Variants in DACH2 observed in about 807,000 individuals in gnomAD.
DACH2 encodes the protein dachshund family transcription factor 2, also known as dachshund homolog 2.
In DACH2, 17 loss-of-function variants were observed where a neutral mutation model predicts 35.8. The observed-to-expected ratio is 0.48, with a 90% CI of 0.33 to 0.71. The LOEUF (loss-of-function observed/expected upper bound fraction) is 0.71. Among genes scored for constraint, DACH2 ranks in the 30% least tolerant of loss-of-function variants. The pLI is 0.02. For missense variants in DACH2, 469 were observed against 472.7 expected, an observed-to-expected ratio of 0.99 and a Z score of 0.07; for synonymous variants, 195 against 177.3, an observed-to-expected ratio of 1.10 and a Z score of -0.79.
intron 2 of DACH2, among the ~76,000 whole-genome samples, chrX:86,410,071 T>A (rs778371229): frequency 2.7e-5 from 3 of 112,320 alleles, no homozygotes; most frequent in Non-Finnish European, 3.8e-5. Flanking sequence ...TAGCATGACA[T>A]CCTTATCTAT....
chrX:86,580,819 A>G, intron 3 of DACH2, among the ~76,000 whole-genome samples: 1 of 112,151 alleles, frequency 8.9e-6, no homozygotes, highest in East Asian at 2.8e-4. Context: ...ATATTTGAAT[A>G]TATCATCCAT....
At chrX:86,335,400 C>T (rs1473812294) in intron 1 of DACH2, among the ~76,000 whole-genome samples, 1 of 111,719 alleles carries the variant, frequency 9.0e-6, no homozygotes, top group Non-Finnish European at 1.9e-5. Flanking sequence ...AATGTTTTTC[C>T]ATGTATTTGT....
chrX:86,541,935 T>C (rs200898375), intron 3 of DACH2, among the ~76,000 whole-genome samples: 1 of 111,864 alleles, frequency 8.9e-6, no homozygotes, highest in East Asian at 2.8e-4. Context: ...AAAAGAGAAA[T>C]TTTTTGAGGA....
chrX:86,151,182 G>T (rs749654999), intron 1 of DACH2, among the ~76,000 whole-genome samples: 1 of 109,437 alleles, frequency 9.1e-6, no homozygotes, highest in Admixed American at 9.7e-5. Flanking sequence ...AATATTTTTG[G>T]ACCCTGTTAT....
At chrX:86,304,723 G>A (rs1388429939) in intron 1 of DACH2, 1 of 166,198 alleles carries the variant, frequency 6.0e-6, no homozygotes, top group African/African-American at 3.1e-5. Context: ...AAGAGGAGGA[G>A]ATGGAGAGAA....
intron 1 of DACH2, among the ~76,000 whole-genome samples, chrX:86,292,676 G>T (rs1051983266): frequency 9.0e-6 from 1 of 111,110 alleles, no homozygotes; most frequent in South Asian, 3.9e-4. Context: ...CCTTCATTTC[G>T]TTATGTACTC....
chrX:86,505,723 CA>C (rs1376213977), intron 2 of DACH2, among the ~76,000 whole-genome samples: 3 of 111,920 alleles, frequency 2.7e-5, no homozygotes, highest in Non-Finnish European at 5.6e-5. Context: ...GCATTTTGCA[CA>C]AACTGCATGT....
chrX:86,422,476 A>T (rs749210899), intron 2 of DACH2, among the ~76,000 whole-genome samples: 2 of 110,900 alleles, frequency 1.8e-5, no homozygotes, highest in South Asian at 7.5e-4. Context: ...TCTCTCATAC[A>T]TGAAAATCAC....
chrX:86,636,947 T>A (rs2148393826), intron 3 of DACH2, among the ~76,000 whole-genome samples: 1 of 104,894 alleles, frequency 9.5e-6, no homozygotes, highest in African/African-American at 3.5e-5. Flanking sequence ...AGAAAATTTT[T>A]TCAAAGTATA....
chrX:86,653,357 T>C (rs1186960377), intron 4 of DACH2, among the ~76,000 whole-genome samples: 1 of 111,589 alleles, frequency 9.0e-6, no homozygotes, highest in Non-Finnish European at 1.9e-5. Context: ...CGAAGGCAGG[T>C]AATGTGATGC....
chrX:86,364,033 G>A (rs1280372504), intron 1 of DACH2, among the ~76,000 whole-genome samples: 1 of 111,496 alleles, frequency 9.0e-6, no homozygotes, highest in Non-Finnish European at 1.9e-5. Context: ...TTAAAAGAAA[G>A]CCAAGACACT....
chrX:86,729,456 G>A (rs1389619098), intron 6 of DACH2, among the ~76,000 whole-genome samples: 1 of 111,705 alleles, frequency 9.0e-6, no homozygotes, highest in Non-Finnish European at 1.9e-5. Context: ...TTTGGACTTT[G>A]GACTTTTGAG....
chrX:86,691,640 GTGA>G (rs2148441733), intron 4 of DACH2, among the ~76,000 whole-genome samples: 1 of 111,699 alleles, frequency 9.0e-6, no homozygotes, highest in African/African-American at 3.2e-5. Context: ...GAAAGAGCAT[GTGA>G]GGACATAGGG....
At chrX:86,760,694 G>A (rs1355098217) in intron 7 of DACH2, among the ~76,000 whole-genome samples, 1 of 110,578 alleles carries the variant, frequency 9.0e-6, no homozygotes, top group Non-Finnish European at 1.9e-5. Context: ...TATTTTTCCA[G>A]GATTTCATAA....
chrX:86,494,613 C>T (rs971097752), intron 2 of DACH2, among the ~76,000 whole-genome samples: 1 of 112,461 alleles, frequency 8.9e-6, no homozygotes, highest in Non-Finnish European at 1.9e-5. Context: ...TAACTCTGAA[C>T]CTTGAAATCT....
intron 1 of DACH2, among the ~76,000 whole-genome samples, chrX:86,248,269 AGTATGAT>A (rs2147948701): frequency 9.0e-6 from 1 of 111,143 alleles, no homozygotes; most frequent in South Asian, 3.8e-4. Context: ...CTTCACAGAC[AGTATGAT>A]TTTATACCTA....
intron 2 of DACH2, among the ~76,000 whole-genome samples, chrX:86,496,455 C>T (rs1286424342): frequency 9.1e-6 from 1 of 110,023 alleles, no homozygotes; most frequent in Non-Finnish European, 1.9e-5. Flanking sequence ...ATGTTTGTAC[C>T]CAATTTTCAG....
At chrX:86,474,474 A>G (rs1342784448) in intron 2 of DACH2, among the ~76,000 whole-genome samples, 2 of 111,972 alleles carry the variant, frequency 1.8e-5, no homozygotes, top group Non-Finnish European at 3.8e-5. Context: ...GTTTTCTTGT[A>G]GTAGATTTAT....
chrX:86,468,234 A>G (rs1398133890), intron 2 of DACH2, among the ~76,000 whole-genome samples: 1 of 111,826 alleles, frequency 8.9e-6, no homozygotes. Flanking sequence ...TGGCAAAAAG[A>G]AAATATTATG....
Sources: gnomAD v4.1 joint callset for allele counts (sites outside exome capture counted in the v4.1 genomes callset) on GRCh38, gnomAD v4.1.1 for gene constraint, MANE v1.5 for transcripts, NCBI Gene and HGNC (gene_info 2026-07-23, HGNC 2026-07-21) for gene names.